The following BNIP3L variants were observed in gnomAD, a reference collection of about 807,000 sequenced individuals.
BNIP3L encodes the protein BCL2 interacting protein 3 like, also known as BCL2/adenovirus E1B 19 kDa protein-interacting protein 3-like.
A neutral mutation model predicts 25.5 loss-of-function variants in BNIP3L; 10 were observed. That is an observed-to-expected ratio of 0.39 (90% confidence interval 0.24 to 0.67). BNIP3L has a LOEUF of 0.67. Ranked by LOEUF, BNIP3L falls within the 30% of genes least tolerant of loss-of-function variation. BNIP3L has a pLI of 0.45. For synonymous variants in BNIP3L, 113 were observed against 101.2 expected (o/e 1.12, Z -0.70); for missense variants, 215 against 270.9 (o/e 0.79, Z 1.45).
chr8:26,390,599 GA>G (rs1299580766), intron 1 of BNIP3L: 3 of 957,060 alleles, frequency 3.1e-6, no homozygotes, highest in African/African-American at 1.8e-5. Context: ...GTGAGATAGA[GA>G]TAAAGCTTTT....
intron 2 of BNIP3L, among the ~76,000 whole-genome samples, chr8:26,393,358 C>T (rs1806156136): frequency 6.8e-6 from 1 of 147,662 alleles, no homozygotes; most frequent in African/African-American, 2.5e-5. Context: ...TCTGCTTTGC[C>T]TTTCACCCTG....
At chr8:26,392,864 A>G (rs1806146306) in intron 2 of BNIP3L, among the ~76,000 whole-genome samples, 1 of 152,078 alleles carries the variant, frequency 6.6e-6, no homozygotes, top group African/African-American at 2.4e-5. Flanking sequence ...CCTGTTGTTC[A>G]CATGGTGCTG....
At chr8:26,388,824 TA>T (rs1012930483) in intron 1 of BNIP3L, among the ~76,000 whole-genome samples, 10 of 150,802 alleles carry the variant, frequency 6.6e-5, no homozygotes, top group Non-Finnish European at 1.5e-4. Context: ...AATAAATAAA[TA>T]AATAAATAAA....
intron 1 of BNIP3L, among the ~76,000 whole-genome samples, chr8:26,387,989 A>G (rs1033517240): frequency 1.3e-5 from 2 of 152,212 alleles, no homozygotes; most frequent in African/African-American, 4.8e-5. Flanking sequence ...AAGACATCTG[A>G]AAAACGACTT....
chr8:26,390,446 C>G (rs2117468451), intron 1 of BNIP3L: 1 of 985,268 alleles, frequency 1.0e-6, no homozygotes, highest in East Asian at 1.1e-4. Flanking sequence ...GCTCCCAAAT[C>G]AACAGGGTTT....
At chr8:26,385,492 A>AT (rs1805973098) in intron 1 of BNIP3L, among the ~76,000 whole-genome samples, 1 of 151,684 alleles carries the variant, frequency 6.6e-6, no homozygotes, top group Non-Finnish European at 1.5e-5. Context: ...AATCCCAGCT[A>AT]TTCAGGCGGC....
intron 3 of BNIP3L, among the ~76,000 whole-genome samples, chr8:26,403,531 C>CT (rs74738100): frequency 5.6e-5 from 7 of 124,256 alleles, no homozygotes; most frequent in South Asian, 2.6e-4. Flanking sequence ...TACTCAGTTT[C>CT]TTTTTTTTTT....
chr8:26,405,554 G>A (rs981346201), intron 3 of BNIP3L, among the ~76,000 whole-genome samples: 8 of 152,142 alleles, frequency 5.3e-5, no homozygotes, highest in Non-Finnish European at 1.2e-4. Context: ...CCTTCCTGGG[G>A]TAGCTGTTTC....
At chr8:26,390,422 G>T (rs1442823924) in intron 1 of BNIP3L, 23 of 985,236 alleles carry the variant, frequency 2.3e-5, no homozygotes, top group African/African-American at 3.5e-5. Context: ...TGTAGCTGAT[G>T]TGCAGTTGTT....
At chr8:26,403,554 G>A (rs1806437277) in intron 3 of BNIP3L, among the ~76,000 whole-genome samples, 1 of 147,442 alleles carries the variant, frequency 6.8e-6, no homozygotes, top group Non-Finnish European at 1.5e-5. Context: ...TTTGGAGACA[G>A]CGTCTCAGGG....
chr8:26,395,977 C>T (rs1374858999), intron 3 of BNIP3L: 1 of 160,674 alleles, frequency 6.2e-6, no homozygotes, highest in Non-Finnish European at 1.4e-5. Flanking sequence ...GGTCCTATGC[C>T]CACGGAATCT....
At chr8:26,396,320 A>AC (rs1451123795) in intron 3 of BNIP3L, among the ~76,000 whole-genome samples, 2 of 80,788 alleles carry the variant, frequency 2.5e-5, no homozygotes, top group Non-Finnish European at 5.1e-5. Context: ...CTGACCCCTG[A>AC]CCCCCGAGCA....
Position 26,401,875 on chromosome 8 carries a change from T to A in BNIP3L, c.358-6125T>A, listed in dbSNP as rs1472389113. On this transcript the variant is annotated intron_variant, in intron 3 of 5. Coordinates refer to ENST00000380629, the MANE Select transcript of BNIP3L (RefSeq NM_004331.3). ...GTAAGTATATAACTGTGGCTAATGA[T>A]TTAGAATACTCATAGCCAGCCTTTA... Among the ~76,000 whole-genome samples, 8 of 152,210 alleles carry A rather than the reference T, an allele frequency of 5.3e-5. No individual in the cohort carries two copies. The East Asian group carries it at 1.5e-3, about 29-fold the overall frequency.
At chr8:26,383,503 G>A (rs1047653660) in intron 1 of BNIP3L, 42 of 1,113,732 alleles carry the variant, frequency 3.8e-5, no homozygotes, top group Non-Finnish European at 4.4e-5. Context: ...CCTGGTGCGG[G>A]GGGTGGTCCC....
intron 3 of BNIP3L, among the ~76,000 whole-genome samples, chr8:26,403,835 C>CA (rs1267542342): frequency 6.6e-6 from 1 of 152,102 alleles, no homozygotes; most frequent in Admixed American, 6.6e-5. Flanking sequence ...TTACTACTCC[C>CA]ACCTCTCTTT....
intron 3 of BNIP3L, among the ~76,000 whole-genome samples, chr8:26,403,417 C>G (rs1668025901): frequency 7.9e-5 from 12 of 151,838 alleles, no homozygotes; most frequent in Admixed American, 7.9e-4. Context: ...TGTACTTGAT[C>G]TTATAGAATG....
chr8:26,394,030 T>C (rs1478981588), intron 2 of BNIP3L, among the ~76,000 whole-genome samples: 1 of 152,228 alleles, frequency 6.6e-6, no homozygotes, highest in African/African-American at 2.4e-5. Flanking sequence ...TAATAGTTAA[T>C]ATCTATTCTT....
Position 26,408,315 on chromosome 8 carries a change from G to C in BNIP3L, c.550G>C (p.Glu184Gln). ...AMKKGGIFSA[E>Q]FLKVFIPSLF... Reference sequence around the variant, plus strand: ...GAAGAAAGGGGGTATTTTCTCCGCAGAATTTCTGAAGGTGTTCATTCCATC... The same window carrying C: ...GAAGAAAGGGGGTATTTTCTCCGCACAATTTCTGAAGGTGTTCATTCCATC... The change falls in exon 5 of 6, where the codon GAA becomes CAA. Residue 184 changes from glutamate to glutamine, a missense_variant. Around this residue, in one of 4 missense-constraint regions of BNIP3L, gnomAD observed 63 missense variants for 98.8 expected, o/e 0.64. Transcript: ENST00000380629. 1 of 1,614,180 alleles carries C rather than the reference G, an allele frequency of 6.2e-7. No homozygotes were observed. Among genetic ancestry groups the C allele is most frequent in the South Asian group, 1.1e-5 (1 of 91,080 alleles).
At position 26,412,471 on chromosome 8, in the gene BNIP3L, A is replaced by C. The variant is rs1806650924; in HGVS notation, c.*2059A>C. On this transcript the variant is annotated 3_prime_UTR_variant, in exon 6 of 6. Coordinates refer to ENST00000380629, the MANE Select transcript of BNIP3L (RefSeq NM_004331.3). The stretch of plus-strand genomic sequence containing the variant: ...CAGCAGCAGTTCTATCAGTGGTGCC[A>C]CTGAAACTGGGTATATTTATGATTT... The C allele has an allele frequency of 6.6e-6, 1 of 152,254 alleles. No individual in the cohort carries two copies. Among genetic ancestry groups the C allele is most frequent in the East Asian group, 1.9e-4 (1 of 5,204 alleles). The allele number at this position is 152,254 out of a possible 1,614,324, so 9.4% of individuals were successfully genotyped here.
Sources: allele counts gnomAD v4.1 joint callset (sites outside exome capture counted in the v4.1 genomes callset), GRCh38; gene constraint gnomAD v4.1.1; regional missense constraint gnomAD v4.1.1; transcripts MANE v1.5; gene names NCBI Gene and HGNC (gene_info 2026-07-23, HGNC 2026-07-21).